EIF3CL: variants seen among roughly 807,000 people sequenced by gnomAD.
The protein encoded by EIF3CL is eukaryotic translation initiation factor 3 subunit C like.
For synonymous variants in EIF3CL, 2 were observed against 19.6 expected (o/e 0.10, Z 2.37); for missense variants, 5 against 56.1 (o/e 0.09, Z 2.91).
chr16:28,417,193 G>A, the EIF3CL span, among the ~76,000 whole-genome samples: 1 of 147,684 alleles, frequency 6.8e-6, no homozygotes, highest in Non-Finnish European at 1.5e-5. Context: ...AGGGAGGTGG[G>A]GGGGGTCAGC....
the EIF3CL span, among the ~76,000 whole-genome samples, chr16:28,417,149 TCAGCCCCCCGCCCGGC>T: frequency 1.7e-5 from 2 of 116,114 alleles, no homozygotes; most frequent in Non-Finnish European, 3.6e-5. Context: ...GGTTGGGGGG[TCAGCCCCCCGCCCGGC>T]CAGCCGCCCC....
the EIF3CL span, among the ~76,000 whole-genome samples, chr16:28,417,732 T>G: frequency 7.8e-6 from 1 of 128,382 alleles, no homozygotes; most frequent in South Asian, 2.4e-4. Context: ...TGTTCACTTG[T>G]TTATCTGCTG....
the EIF3CL span, among the ~76,000 whole-genome samples, chr16:28,417,012 T>TG: frequency 2.6e-4 from 10 of 38,740 alleles, no homozygotes; most frequent in African/African-American, 3.3e-4. Context: ...GGGAGGGAGG[T>TG]GGGGGGGGTC....
the EIF3CL span, among the ~76,000 whole-genome samples, chr16:28,419,274 G>T: frequency 6.6e-6 from 1 of 150,828 alleles, no homozygotes; most frequent in African/African-American, 2.5e-5. Flanking sequence ...CCAAAGTGCT[G>T]GGATTACAGG....
chr16:28,417,356 C>T, the EIF3CL span, among the ~76,000 whole-genome samples: 2 of 141,196 alleles, frequency 1.4e-5, no homozygotes, highest in Admixed American at 7.1e-5. Flanking sequence ...ATGACAATGG[C>T]GGCTTTGTGG....
chr16:28,425,506 A>T, the EIF3CL span, among the ~76,000 whole-genome samples: 1 of 103,778 alleles, frequency 9.6e-6, no homozygotes, highest in Non-Finnish European at 2.0e-5. Flanking sequence ...TGTAGGCAAC[A>T]GTCTGATTAA....
the EIF3CL span, chr16:28,414,895 G>A: frequency 1.9e-6 from 1 of 518,590 alleles, no homozygotes; most frequent in African/African-American, 2.1e-5. Context: ...ATGCAACAGT[G>A]TATCGACGCC....
At chr16:28,414,709 G>A in the EIF3CL span, 4,715 of 364,866 alleles carry the variant, frequency 0.013, 490 homozygotes, top group Non-Finnish European at 0.016. Flanking sequence ...GCCAAGCTGC[G>A]CGTCTAGAAA....
chr16:28,417,771 C>T, the EIF3CL span, among the ~76,000 whole-genome samples: 4 of 139,926 alleles, frequency 2.9e-5, no homozygotes, highest in South Asian at 2.2e-4. Context: ...TCCCATGACC[C>T]TGCCAAATCC....
At chr16:28,418,146 A>C in the EIF3CL span, among the ~76,000 whole-genome samples, 14 of 149,924 alleles carry the variant, frequency 9.3e-5, no homozygotes, top group Middle Eastern at 3.4e-3. Flanking sequence ...GTGGTCTCTC[A>C]AGTGGTGCCT....
chr16:28,415,982 G>A, the EIF3CL span, among the ~76,000 whole-genome samples: 1 of 56,462 alleles, frequency 1.8e-5, no homozygotes, highest in Non-Finnish European at 3.4e-5. Context: ...TCAGCCTGCC[G>A]AGTGCCTGCG....
At chr16:28,423,817 T>TTATA in the EIF3CL span, among the ~76,000 whole-genome samples, 3 of 103,006 alleles carry the variant, frequency 2.9e-5, no homozygotes, top group East Asian at 2.8e-4. Flanking sequence ...AATATATATA[T>TTATA]TATATATATA....
the EIF3CL span, chr16:28,414,792 G>A: frequency 2.2e-6 from 1 of 461,092 alleles, no homozygotes; most frequent in South Asian, 1.6e-5. Context: ...AACCCGTGGA[G>A]GTGACGAGTT....
the EIF3CL span, among the ~76,000 whole-genome samples, chr16:28,411,145 G>GCGAT: frequency 6.6e-6 from 1 of 150,526 alleles, no homozygotes; most frequent in African/African-American, 2.4e-5. Flanking sequence ...CCGGGTTTAA[G>GCGAT]CGATTCTCCT....
At chr16:28,424,115 G>A in the EIF3CL span, among the ~76,000 whole-genome samples, 1 of 148,316 alleles carries the variant, frequency 6.7e-6, no homozygotes. Context: ...AGCCTCCTGA[G>A]TAGCTGGGAC....
At chr16:28,414,900 G>A in the EIF3CL span, 6 of 517,894 alleles carry the variant, frequency 1.2e-5, no homozygotes, top group East Asian at 1.2e-4. Flanking sequence ...ACAGTGTATC[G>A]ACGCCGGCCT....
At chr16:28,426,049 T>A in the EIF3CL span, among the ~76,000 whole-genome samples, 2 of 112,666 alleles carry the variant, frequency 1.8e-5, no homozygotes, top group African/African-American at 6.4e-5. Context: ...GCCAGTGCAC[T>A]CCAGCCTGGG....
chr16:28,407,841 C>G (rs1264036829), upstream of EIF3CL, among the ~76,000 whole-genome samples: 2 of 1,504 alleles, frequency 1.3e-3, no homozygotes, highest in South Asian at 0.014. Flanking sequence ...GATTACAAGA[C>G]TAAGCCACTG....
chr16:28,422,272 C>A, the EIF3CL span, among the ~76,000 whole-genome samples: 1 of 103,654 alleles, frequency 9.6e-6, no homozygotes, highest in African/African-American at 3.2e-5. Flanking sequence ...GAGTCTCGCT[C>A]TGTCACCCAG....
Sources: gnomAD v4.1 joint callset for allele counts (sites outside exome capture counted in the v4.1 genomes callset) on GRCh38, gnomAD v4.1.1 for gene constraint, MANE v1.5 for transcripts, NCBI Gene and HGNC (gene_info 2026-07-23, HGNC 2026-07-21) for gene names.